Variants in C2orf78 observed in about 807,000 individuals in gnomAD.
C2orf78 encodes uncharacterized protein C2orf78.
C2orf78 carries 12 observed loss-of-function variants against 21.4 expected under a neutral mutation model. That is an observed-to-expected ratio of 0.56 (90% CI 0.36 to 0.91). C2orf78 has a LOEUF of 0.91. C2orf78 is among the 40% of genes least tolerant of loss of function. The pLI is 0.01. For missense variants in C2orf78, 1,042 were observed against 1,092.4 expected, an observed-to-expected ratio of 0.95 and a Z score of 0.65; for synonymous variants, 396 against 413.9, an observed-to-expected ratio of 0.96 and a Z score of 0.52.
chr2:73,813,895 T>C (rs1293378679), exon 2 of C2orf78: 3 of 1,613,994 alleles, frequency 1.9e-6, no homozygotes, highest in Non-Finnish European at 1.7e-6. Context: ...CAGATACCAA[T>C]ACTATGGTCC....
At position 73,808,785 on chromosome 2, in the gene C2orf78, G is replaced by A. The variant is rs755721129; in HGVS notation, c.98-4692G>A. The A allele has an allele frequency of 2.7e-6, 4 of 1,461,670 alleles. No homozygotes were observed. The African/African-American group carries it at 5.7e-5, about 21-fold the overall frequency. 90.5% of individuals were successfully genotyped at this position (1,461,670 alleles called of 1,614,324 possible). ...GCCAGTGACCAGTAACCAGTGACCA[G>A]TGGCCTTCATACTGGACACATGCAC... On this transcript the variant is annotated intron_variant, in intron 1 of 2. Coordinates refer to ENST00000409561, the Ensembl canonical transcript of C2orf78.
chr2:73,815,365 G>A, exon 3 of C2orf78: 1 of 1,613,838 alleles, frequency 6.2e-7, no homozygotes, highest in Non-Finnish European at 8.5e-7. Flanking sequence ...ATCCTAATAG[G>A]AAATCAAGAT....
At chr2:73,816,633 G>A in exon 3 of C2orf78, 1 of 1,613,672 alleles carries the variant, frequency 6.2e-7, no homozygotes, top group Non-Finnish European at 8.5e-7. Context: ...CCAGCCTACT[G>A]TCCCTCAATC....
intron 1 of C2orf78, among the ~76,000 whole-genome samples, chr2:73,809,119 A>G (rs1004419993): frequency 2.3e-4 from 35 of 152,284 alleles, no homozygotes; most frequent in Middle Eastern, 6.8e-3. Flanking sequence ...CATCTATTAC[A>G]CTAGGATAAT....
exon 2 of C2orf78, chr2:73,814,074 T>C: frequency 6.2e-7 from 1 of 1,613,796 alleles, no homozygotes. Context: ...TATGGCTCTG[T>C]GTCATACACA....
At chr2:73,816,550 C>G in exon 3 of C2orf78, 1 of 1,613,926 alleles carries the variant, frequency 6.2e-7, no homozygotes, top group Non-Finnish European at 8.5e-7. Flanking sequence ...ACCAACACAT[C>G]TTTGACAGGT....
At chr2:73,816,057 C>G (rs1346158151) in exon 3 of C2orf78, 18 of 1,613,758 alleles carry the variant, frequency 1.1e-5, no homozygotes, top group Non-Finnish European at 8.5e-7. Flanking sequence ...GAAAAATCAA[C>G]CTGAGCTTAG....
exon 2 of C2orf78, chr2:73,813,935 G>C: frequency 1.2e-6 from 2 of 1,613,994 alleles, no homozygotes; most frequent in South Asian, 2.2e-5. Context: ...TGCCAGCCTT[G>C]TTCAGGGGAC....
Position 73,813,891 on chromosome 2 carries a change from C to T in C2orf78, c.512C>T (p.Thr171Ile), listed in dbSNP as rs973739443. 3.7e-6 allele frequency: 6 copies of T among 1,613,882 alleles called. No homozygotes were observed. In the African/African-American group the frequency reaches 5.3e-5, roughly 14 times the overall value. Residue 171 changes from threonine to isoleucine, a missense_variant, in exon 2 of 3, where the codon ACC (threonine) becomes ATC (isoleucine). By Grantham distance (89) the Thr-to-Ile change is moderately conservative (BLOSUM62 -1). Coordinates refer to ENST00000409561, the Ensembl canonical transcript of C2orf78. ...GCCCAGTATTATAAAACTTCAGATA[C>T]CAATACTATGGTCCCTCTGTATCCA...
At chr2:73,816,838 CAGA>C in exon 3 of C2orf78, 1 of 1,613,980 alleles carries the variant, frequency 6.2e-7, no homozygotes, top group Non-Finnish European at 8.5e-7. Context: ...ACGCCCATCA[CAGA>C]AGAGCAGAGG....
intron 1 of C2orf78, among the ~76,000 whole-genome samples, chr2:73,784,729 TC>T (rs1395503423): frequency 3.3e-5 from 5 of 151,442 alleles, no homozygotes; most frequent in Non-Finnish European, 2.9e-5. Context: ...CTGAGAGTGT[TC>T]ATTTCAACAG....
exon 2 of C2orf78, chr2:73,813,575 A>C (rs200349598): frequency 4.7e-4 from 757 of 1,613,850 alleles, no homozygotes; most frequent in Non-Finnish European, 5.1e-4. Context: ...AAGCATCTCC[A>C]ACTTCTCCAG....
chr2:73,813,930 G>T, exon 2 of C2orf78: 1 of 1,614,036 alleles, frequency 6.2e-7, no homozygotes, highest in Non-Finnish European at 8.5e-7. Context: ...CTATCTGCCA[G>T]CCTTGTTCAG....
In C2orf78 at chr2:73,813,666, C is replaced by T. The variant is rs371467333; in HGVS notation, c.287C>T (p.Ala96Val). Residue 96 changes from alanine to valine, a missense_variant, in exon 2 of 3, where the codon GCC becomes GTC. Ala to Val is a moderately conservative substitution (Grantham distance 64). This residue lies in a region of C2orf78 where 1,039 missense variants were observed against 1,069.7 expected (regional missense o/e 0.97). Coordinates refer to ENST00000409561, the Ensembl canonical transcript of C2orf78. Reference sequence around the variant, plus strand: ...TCCTTCCAGCCACTCATGGGCAGTGCCTACCTTTACCAACATTCTAGCACA... The same window carrying T: ...TCCTTCCAGCCACTCATGGGCAGTGTCTACCTTTACCAACATTCTAGCACA... 15 of 1,614,028 alleles carry T rather than the reference C, an allele frequency of 9.3e-6. No homozygotes were observed. In the African/African-American group the frequency reaches 1.9e-4, roughly 20 times the overall value.
At chr2:73,816,116 A>G (rs375805595) in exon 3 of C2orf78, 35 of 1,613,870 alleles carry the variant, frequency 2.2e-5, no homozygotes, top group Non-Finnish European at 2.7e-5. Flanking sequence ...TGCACATGCT[A>G]GAGTCCGTGC....
At chr2:73,810,171 T>C (rs1311188328) in intron 1 of C2orf78, among the ~76,000 whole-genome samples, 1 of 147,806 alleles carries the variant, frequency 6.8e-6, no homozygotes, top group Non-Finnish European at 1.5e-5. Context: ...TATTCAGTTG[T>C]TTTTTTTCTG....
At position 73,812,348 on chromosome 2, in the gene C2orf78, T is replaced by C. The variant is rs189139444; in HGVS notation, c.98-1129T>C. Among the ~76,000 whole-genome samples the C allele has an allele frequency of 2.1e-3, 318 of 152,326 alleles. 6 individuals carry two copies. Among genetic ancestry groups the C allele is most frequent in the Non-Finnish European group, 3.2e-4 (22 of 68,020 alleles). ...CCATGATTTTATGTTTTTAATTATT[T>C]TGTCTGTTTTTTCAGAACTTACTAT... On this transcript the variant is annotated intron_variant, in intron 1 of 2. Transcript: ENST00000409561.
chr2:73,810,573 T>C (rs1401330113), intron 1 of C2orf78, among the ~76,000 whole-genome samples: 2 of 141,302 alleles, frequency 1.4e-5, no homozygotes, highest in Non-Finnish European at 1.5e-5. Flanking sequence ...TATATGTATA[T>C]TTTATGTATA....
chr2:73,810,790 T>C (rs1370493890), intron 1 of C2orf78, among the ~76,000 whole-genome samples: 1 of 108,010 alleles, frequency 9.3e-6, no homozygotes, highest in Non-Finnish European at 1.8e-5. Flanking sequence ...TACATGTATA[T>C]TTTATATATA....
Sources: allele counts gnomAD v4.1 joint callset (sites outside exome capture counted in the v4.1 genomes callset), GRCh38; gene constraint gnomAD v4.1.1; regional missense constraint gnomAD v4.1.1; transcripts MANE v1.5; gene names NCBI Gene and HGNC (gene_info 2026-07-23, HGNC 2026-07-21).